The following STK3 variants were observed in gnomAD, a reference collection of about 807,000 sequenced individuals.
The protein encoded by STK3 is serine/threonine kinase 3.
STK3 carries 41 observed loss-of-function variants against 58.0 expected under a neutral mutation model. The ratio of observed to expected loss-of-function variants is 0.71; its 90% CI spans 0.55 to 0.92. The LOEUF (loss-of-function observed/expected upper bound fraction) is 0.92. Among genes scored for constraint, STK3 ranks in the 40% least tolerant of loss-of-function variants. The pLI, the probability that STK3 is intolerant of heterozygous loss-of-function variation, is 0.00. For synonymous variants in STK3, 170 were observed against 191.0 expected, an observed-to-expected ratio of 0.89 and a Z score of 0.91; for missense variants, 479 against 602.7, an observed-to-expected ratio of 0.79 and a Z score of 2.15.
intron 1 of STK3, among the ~76,000 whole-genome samples, chr8:98,897,125 C>A (rs2131942367): frequency 6.6e-6 from 1 of 152,324 alleles, no homozygotes; most frequent in Admixed American, 6.5e-5. Flanking sequence ...AACACACACT[C>A]CCAGCATCCA....
chr8:98,636,449 G>A (rs1053593865), intron 6 of STK3, among the ~76,000 whole-genome samples: 24 of 152,076 alleles, frequency 1.6e-4, no homozygotes, highest in Non-Finnish European at 2.9e-4. Flanking sequence ...TGTTAGGCAC[G>A]AAAGACTATC....
chr8:98,413,675 A>G (rs534725190), intron 3 of STK3: 55 of 936,010 alleles, frequency 5.9e-5, no homozygotes, highest in Non-Finnish European at 5.2e-5. Flanking sequence ...GGAACTCTAC[A>G]GTGTGCACCA....
chr8:98,363,631 G>C, the STK3 span, among the ~76,000 whole-genome samples: 1 of 152,266 alleles, frequency 6.6e-6, no homozygotes, highest in Non-Finnish European at 1.5e-5. Context: ...TTCAGCTCCA[G>C]TCCTCAAGGA....
At chr8:98,737,048 C>A (rs1407733254) in intron 4 of STK3, among the ~76,000 whole-genome samples, 1 of 152,142 alleles carries the variant, frequency 6.6e-6, no homozygotes, top group Non-Finnish European at 1.5e-5. Flanking sequence ...TCCACTTGAG[C>A]ACCAATCCAA....
chr8:98,519,828 G>T (rs1825218603), intron 10 of STK3, among the ~76,000 whole-genome samples: 1 of 152,054 alleles, frequency 6.6e-6, no homozygotes, highest in African/African-American at 2.4e-5. Flanking sequence ...AAGAATCAGA[G>T]TAATTAAGAA....
chr8:98,630,682 GAGAAGGAGA>G (rs1456304076), intron 6 of STK3, among the ~76,000 whole-genome samples: 16 of 148,444 alleles, frequency 1.1e-4, no homozygotes, highest in African/African-American at 2.7e-4. Context: ...GGAGAAGGAG[GAGAAGGAGA>G]AGAAGGAGGA....
chr8:98,477,702 C>CGGGGGGGGGGGG (rs1286720911), intron 10 of STK3, among the ~76,000 whole-genome samples: 2 of 2,280 alleles, frequency 8.8e-4, no homozygotes, highest in African/African-American at 2.1e-3. Context: ...TCACACTTGG[C>CGGGGGGGGGGGG]GGGGGGGGGG....
upstream of STK3, among the ~76,000 whole-genome samples, chr8:98,827,421 T>G (rs1835354868): frequency 6.6e-6 from 1 of 152,202 alleles, no homozygotes; most frequent in Non-Finnish European, 1.5e-5. Flanking sequence ...GAAGAGAATG[T>G]TAAATAAAGG....
intron 1 of STK3, among the ~76,000 whole-genome samples, chr8:98,784,913 C>T (rs1360126319): frequency 1.3e-5 from 2 of 151,796 alleles, no homozygotes; most frequent in African/African-American, 4.8e-5. Flanking sequence ...CCTGACTTGC[C>T]TCACCCTTCC....
the STK3 span, among the ~76,000 whole-genome samples, chr8:98,361,030 T>G: frequency 1.3e-5 from 2 of 152,174 alleles, no homozygotes; most frequent in Non-Finnish European, 1.5e-5. Context: ...CAAAATTGGA[T>G]TTTGTCAGTC....
intron 3 of STK3, chr8:98,427,272 C>T (rs1818250289): frequency 6.6e-6 from 1 of 151,486 alleles, no homozygotes; most frequent in Non-Finnish European, 1.5e-5. Context: ...CCGCGATGCT[C>T]GCCCGCGGGT....
At chr8:98,900,167 C>T (rs1316206749) in intron 1 of STK3, among the ~76,000 whole-genome samples, 1 of 151,874 alleles carries the variant, frequency 6.6e-6, no homozygotes, top group Non-Finnish European at 1.5e-5. Context: ...CCCTCCACCT[C>T]CCAAGTTCAA....
At chr8:98,417,430 C>A (rs1173310407) in intron 3 of STK3, among the ~76,000 whole-genome samples, 1 of 152,102 alleles carries the variant, frequency 6.6e-6, no homozygotes. Flanking sequence ...AGGAGAATTG[C>A]TTGAACCTGG....
At chr8:98,456,838 TAGTCATCCA>T (rs1563619498) in intron 10 of STK3, among the ~76,000 whole-genome samples, 1 of 152,234 alleles carries the variant, frequency 6.6e-6, no homozygotes, top group African/African-American at 2.4e-5. Flanking sequence ...TCATTACTTA[TAGTCATCCA>T]AAGTAGCATT....
At chr8:98,681,258 A>G (rs140286778) in intron 6 of STK3, among the ~76,000 whole-genome samples, 2,441 of 152,040 alleles carry the variant, frequency 0.016, 26 homozygotes, top group Non-Finnish European at 0.026. Flanking sequence ...CGACCTCCCA[A>G]AGTGCTGGGA....
chr8:98,556,612 C>T (rs1037603742), intron 8 of STK3, among the ~76,000 whole-genome samples: 13 of 151,938 alleles, frequency 8.6e-5, no homozygotes, highest in African/African-American at 3.1e-4. Context: ...AGGGAATGTC[C>T]TACAGCTCAT....
At chr8:98,833,346 T>C (rs981346429) in intron 3 of STK3, among the ~76,000 whole-genome samples, 8 of 152,152 alleles carry the variant, frequency 5.3e-5, no homozygotes, top group African/African-American at 1.9e-4. Context: ...AGGGGGGTTA[T>C]GGGAGCCAAG....
chr8:98,815,819 G>A (rs1834507971), intron 1 of STK3, among the ~76,000 whole-genome samples: 1 of 152,062 alleles, frequency 6.6e-6, no homozygotes, highest in Non-Finnish European at 1.5e-5. Flanking sequence ...AAGATGAGGG[G>A]AAGTTACTTT....
rs1344521514 is a variant in STK3 at position 98,425,280 on chromosome 8, G to T, written n.483+8847C>A. On this transcript the variant is annotated intron_variant and non_coding_transcript_variant, in intron 3 of 3. Coordinates refer to the STK3 transcript ENST00000517832. ...CACAGACCCTGAAAGAAAGGGAGAT[G>T]AAGACAAGGATAACCAAGATCAGAT... Among the ~76,000 whole-genome samples the T allele has an allele frequency of 2.0e-5, 3 of 152,100 alleles. No individual in the cohort carries two copies. In the East Asian group the frequency reaches 5.8e-4, roughly 29 times the overall value.
Sources: allele counts gnomAD v4.1 joint callset (sites outside exome capture counted in the v4.1 genomes callset), GRCh38; gene constraint gnomAD v4.1.1; transcripts MANE v1.5; gene names NCBI Gene and HGNC (gene_info 2026-07-23, HGNC 2026-07-21).